The following PKNOX2 variants were observed in gnomAD, a reference collection of about 807,000 sequenced individuals.
PKNOX2 encodes the protein homeobox protein PKNOX2.
A neutral mutation model predicts 53.1 loss-of-function variants in PKNOX2; 14 were observed. The observed-to-expected ratio is 0.26, with a 90% CI of 0.17 to 0.41. The LOEUF is 0.41. Among genes scored for constraint, PKNOX2 ranks in the 10% least tolerant of loss-of-function variants. The probability of loss-of-function intolerance (pLI) is 1.00; values close to 1 mark genes in which losing one functional copy is unlikely to be tolerated. For synonymous variants in PKNOX2, 257 were observed against 242.8 expected (o/e 1.06, Z -0.54); for missense variants, 496 against 602.8 (o/e 0.82, Z 1.85).
intron 10 of PKNOX2, among the ~76,000 whole-genome samples, chr11:125,425,075 CG>C (rs1956344036): frequency 6.6e-6 from 1 of 152,114 alleles, no homozygotes; most frequent in Non-Finnish European, 1.5e-5. Flanking sequence ...TAGATGATGC[CG>C]GGAGGCTTCA....
chr11:125,331,325 C>T (rs1403277796), intron 2 of PKNOX2, among the ~76,000 whole-genome samples: 1 of 152,170 alleles, frequency 6.6e-6, no homozygotes. Context: ...CTGCCCTGGA[C>T]ACCTCCCCAC....
chr11:125,167,507 T>C (rs1166934038), intron 1 of PKNOX2, among the ~76,000 whole-genome samples: 1 of 152,106 alleles, frequency 6.6e-6, no homozygotes, highest in Non-Finnish European at 1.5e-5. Context: ...GCCTCCCCTT[T>C]GTGAGCGGGA....
rs574408731 is a variant in PKNOX2 at position 125,276,455 on chromosome 11, G to A, written c.-130+41340G>A. ...GGGAGAAAAGTCCTTGAAATGGCACGGGAGAATGGGTTCAGAGCCCAGTGA... is the reference window on the plus strand; with the variant it reads ...GGGAGAAAAGTCCTTGAAATGGCACAGGAGAATGGGTTCAGAGCCCAGTGA... On this transcript the variant is annotated intron_variant, in intron 2 of 12. Transcript: ENST00000298282. Among the ~76,000 whole-genome samples the A allele has an allele frequency of 1.9e-3, 294 of 152,262 alleles. 2 individuals carry two copies. Among genetic ancestry groups the A allele is most frequent in the African/African-American group, 6.5e-3 (271 of 41,536 alleles).
intron 2 of PKNOX2, among the ~76,000 whole-genome samples, chr11:125,256,055 C>A (rs1186270528): frequency 6.6e-6 from 1 of 152,014 alleles, no homozygotes; most frequent in Non-Finnish European, 1.5e-5. Context: ...GTTCTCCAAT[C>A]TCAGGAAATG....
chr11:125,312,119 C>T (rs76164036), intron 2 of PKNOX2, among the ~76,000 whole-genome samples: 7,231 of 152,190 alleles, frequency 0.048, 293 homozygotes, highest in East Asian at 0.2. Flanking sequence ...AAAAACAGTG[C>T]GTAACTTTCC....
Position 125,385,655 on chromosome 11 carries a change from A to G in PKNOX2, c.332A>G (p.Asn111Ser). ...GCCAGCTTTGATGTGGACATCGAGA[A>G]CTTTGTCCACCAGCAGGAACAGGAG... ...TSASFDVDIE[N>S]FVHQQEQEHK... The change falls in exon 6 of 13, where the codon AAC (asparagine) becomes AGC (serine). Residue 111 changes from asparagine (N) to serine (S), a missense_variant. This residue lies in a region of PKNOX2 where 168 missense variants were observed against 178.4 expected (regional missense o/e 0.94). Transcript: ENST00000298282. 6.2e-7 allele frequency: 1 copy of G among 1,614,026 alleles called. No individual in the cohort carries two copies. The highest frequency in any genetic ancestry group is 8.5e-7 in the Non-Finnish European group (1 of 1,180,004).
intron 3 of PKNOX2, among the ~76,000 whole-genome samples, chr11:125,333,547 CAT>C (rs1346136589): frequency 2.2e-5 from 3 of 137,878 alleles, no homozygotes; most frequent in African/African-American, 6.7e-5. Context: ...CACACACACA[CAT>C]ACACACACAC....
intron 1 of PKNOX2, among the ~76,000 whole-genome samples, chr11:125,176,227 G>A (rs940848315): frequency 4.6e-5 from 7 of 152,238 alleles, no homozygotes; most frequent in African/African-American, 1.7e-4. Context: ...GAGGCTGTCA[G>A]GGGCCTGGGG....
intron 1 of PKNOX2, among the ~76,000 whole-genome samples, chr11:125,227,023 A>G (rs777946354): frequency 1.6e-4 from 25 of 151,870 alleles, no homozygotes; most frequent in Non-Finnish European, 2.9e-4. Context: ...ACTCCTAAAG[A>G]TCTCAGGCTC....
intron 3 of PKNOX2, among the ~76,000 whole-genome samples, chr11:125,345,485 G>C (rs1474748860): frequency 6.6e-6 from 1 of 152,100 alleles, no homozygotes; most frequent in African/African-American, 2.4e-5. Context: ...CCCGCCTCCA[G>C]CTTGTCACTT....
intron 2 of PKNOX2, among the ~76,000 whole-genome samples, chr11:125,307,828 C>G (rs1012481218): frequency 1.3e-5 from 2 of 152,216 alleles, no homozygotes; most frequent in Admixed American, 1.3e-4. Flanking sequence ...TTTCTACCCT[C>G]AAGGAGTTTG....
At chr11:125,298,663 T>C (rs1053342013) in intron 2 of PKNOX2, among the ~76,000 whole-genome samples, 2 of 152,022 alleles carry the variant, frequency 1.3e-5, no homozygotes, top group African/African-American at 2.4e-5. Flanking sequence ...ACCAGACAAA[T>C]ACTTGGGATG....
In PKNOX2 at chr11:125,342,515, C is replaced by G. The variant is rs566495569; in HGVS notation, c.-22-8769C>G. 1.0e-3 allele frequency among the ~76,000 whole-genome samples: 152 copies of G among 152,274 alleles called. 1 individual carries two copies. The highest frequency in any genetic ancestry group is 2.3e-3 in the Admixed American group (35 of 15,298). ...AAGGGTGGGAGCCCGAGAGGGCTGC[C>G]GGAGGTGGCTCTGCGCTTTTCCACC... On this transcript the variant is annotated intron_variant, in intron 3 of 12. Transcript: ENST00000298282.
chr11:125,431,976 T>C lies in PKNOX2; in HGVS notation c.*584T>C, dbSNP rs1956723447. ...CAGAATGGGATGGAATCCACCAGGC[T>C]CCAGCTCATCCCTCCAAGGCCCTGT... On this transcript the variant is annotated 3_prime_UTR_variant, in exon 13 of 13. Transcript: ENST00000298282. 1 of 153,926 alleles carries C rather than the reference T, an allele frequency of 6.5e-6. No homozygotes were observed. Among genetic ancestry groups the C allele is most frequent in the Non-Finnish European group, 1.4e-5 (1 of 69,266 alleles). The allele number at this position is 153,926 out of a possible 1,614,324, so 9.5% of individuals were successfully genotyped here.
At chr11:125,258,180 G>T (rs904590686) in intron 2 of PKNOX2, among the ~76,000 whole-genome samples, 5 of 152,128 alleles carry the variant, frequency 3.3e-5, no homozygotes, top group African/African-American at 1.2e-4. Flanking sequence ...CTTCCTCATA[G>T]ACTTTCCTTA....
At chr11:125,168,880 C>T (rs1297175912) in intron 1 of PKNOX2, among the ~76,000 whole-genome samples, 1 of 152,236 alleles carries the variant, frequency 6.6e-6, no homozygotes, top group East Asian at 1.9e-4. Flanking sequence ...AATTTATAGG[C>T]TTCCAACATG....
intron 3 of PKNOX2, among the ~76,000 whole-genome samples, chr11:125,348,842 C>T (rs1398069466): frequency 6.6e-6 from 1 of 152,208 alleles, no homozygotes; most frequent in African/African-American, 2.4e-5. Flanking sequence ...CCAAAAGACC[C>T]AAGCCCGAGG....
chr11:125,191,943 G>A (rs189874027), intron 1 of PKNOX2, among the ~76,000 whole-genome samples: 25 of 152,262 alleles, frequency 1.6e-4, no homozygotes, highest in Admixed American at 1.4e-3. Flanking sequence ...GTGGTGCTTC[G>A]CGCTGTCAAT....
chr11:125,165,062 G>A lies in PKNOX2; in HGVS notation c.-201+286G>A, dbSNP rs1404057288. On this transcript the variant is annotated intron_variant, in intron 1 of 12. Coordinates refer to ENST00000298282, the MANE Select transcript of PKNOX2 (RefSeq NM_001382323.2). The surrounding 1 kb of genome is among the most constrained non-coding windows in gnomAD (Gnocchi z 4.5). ...AAGCGCCGGGAGAGCGCGGAGCGGA[G>A]CAGCGCGAGGGGCGGCGAGGCCGGG... Among the ~76,000 whole-genome samples the A allele has an allele frequency of 6.6e-6, 1 of 150,890 alleles. No individual in the cohort carries two copies. Among genetic ancestry groups the A allele is most frequent in the African/African-American group, 2.4e-5 (1 of 41,254 alleles).
Sources: allele counts gnomAD v4.1 joint callset (sites outside exome capture counted in the v4.1 genomes callset), GRCh38; gene constraint gnomAD v4.1.1; regional missense constraint gnomAD v4.1.1; non-coding constraint Gnocchi (gnomAD v3.1); transcripts MANE v1.5; gene names NCBI Gene and HGNC (gene_info 2026-07-23, HGNC 2026-07-21).